The following STK38 variants were observed in gnomAD, a reference collection of about 807,000 sequenced individuals.
STK38 encodes serine/threonine kinase 38.
In STK38, 26 loss-of-function variants were observed where a neutral mutation model predicts 59.0. That is an observed-to-expected ratio of 0.44 (90% CI 0.32 to 0.61). STK38 has a LOEUF of 0.61. Ranked by LOEUF, STK38 falls within the 20% of genes least tolerant of loss-of-function variation. The pLI is 0.04. For synonymous variants in STK38, 175 were observed against 176.6 expected (o/e 0.99, Z 0.07); for missense variants, 433 against 566.0 (o/e 0.76, Z 2.38).
At position 36,498,290 on chromosome 6, in the gene STK38, A is replaced by G. The variant is rs1021883205; in HGVS notation, c.1076+73T>C. 2.5e-5 allele frequency: 39 copies of G among 1,559,906 alleles called. No individual in the cohort carries two copies. In the African/African-American group the frequency reaches 5.0e-4, roughly 20 times the overall value. ...ACAGAAAGCAGATTCAGGAGATAAC[A>G]AAAGTTTTTAAAAAAATGGAATCAT... On this transcript the variant is annotated intron_variant, in intron 11 of 13. Coordinates refer to ENST00000229812, the MANE Select transcript of STK38 (RefSeq NM_007271.4).
At chr6:36,540,679 T>A (rs965915563) in intron 1 of STK38, among the ~76,000 whole-genome samples, 3 of 151,954 alleles carry the variant, frequency 2.0e-5, no homozygotes, top group African/African-American at 2.4e-5. Flanking sequence ...CAGGCTGGAG[T>A]GCGACAGGAT....
intron 6 of STK38, among the ~76,000 whole-genome samples, chr6:36,515,769 A>G (rs1777236785): frequency 6.6e-6 from 1 of 152,198 alleles, no homozygotes; most frequent in African/African-American, 2.4e-5. Flanking sequence ...ACACTTTAAA[A>G]AACAACTGTA....
chr6:36,545,392 C>T (rs1023169020), intron 1 of STK38, among the ~76,000 whole-genome samples: 6 of 151,000 alleles, frequency 4.0e-5, no homozygotes, highest in Non-Finnish European at 8.8e-5. Context: ...TGCATTACTA[C>T]CTAAACTTTT....
chr6:36,527,741 T>A (rs1185487278), intron 2 of STK38, among the ~76,000 whole-genome samples: 6 of 151,992 alleles, frequency 3.9e-5, no homozygotes, highest in Non-Finnish European at 7.4e-5. Context: ...GAATCTCTCC[T>A]CCACCACTCA....
intron 13 of STK38, among the ~76,000 whole-genome samples, chr6:36,496,313 G>GT (rs1177986046): frequency 6.6e-6 from 1 of 152,018 alleles, no homozygotes; most frequent in Non-Finnish European, 1.5e-5. Context: ...AAGTGCTGGG[G>GT]TTTCAGGCAT....
In STK38 at chr6:36,494,007, T is replaced by C. The variant is rs1307988124; in HGVS notation, c.*1777A>G. The C allele has an allele frequency of 1.3e-5, 2 of 152,184 alleles. No individual in the cohort carries two copies. The highest frequency in any genetic ancestry group is 1.3e-4 in the Admixed American group (2 of 15,280). The allele number at this position is 152,184 out of a possible 1,614,324, so 9.4% of individuals were successfully genotyped here. Reference sequence around the variant, plus strand: ...AGACTCTCCCAACACCGCAGTTCCTTCTCTTTACCCAGGCTTACCACACAT... The same window carrying C: ...AGACTCTCCCAACACCGCAGTTCCTCCTCTTTACCCAGGCTTACCACACAT... On this transcript the variant is annotated 3_prime_UTR_variant, in exon 14 of 14. Transcript: ENST00000229812.
chr6:36,498,479 T>C lies in STK38; in HGVS notation c.960A>G (p.Pro320=), dbSNP rs769737038. The C allele has an allele frequency of 6.2e-7, 1 of 1,609,024 alleles. No individual in the cohort carries two copies. Among genetic ancestry groups the C allele is most frequent in the East Asian group, 2.2e-5 (1 of 44,826 alleles). Residue 320 remains proline, a synonymous_variant, in exon 11 of 14, where the codon CCA becomes CCG. Coordinates refer to ENST00000229812, the MANE Select transcript of STK38 (RefSeq NM_007271.4). The part of the protein sequence containing the change: ...VIMYEMLIGY[P]PFCSETPQET... ...CTTGAGGGGTCTCAGAACAGAAAGG[T>C]GGGTAGCCTGTAATAAAAAAGGAAC...
chr6:36,533,576 T>C lies in STK38; in HGVS notation c.131+6496A>G, dbSNP rs185404097. On this transcript the variant is annotated intron_variant, in intron 2 of 13. Coordinates refer to ENST00000229812, the MANE Select transcript of STK38 (RefSeq NM_007271.4). ...GCACTGCTGTCTGCTCATTTTGGGG[T>C]ATAATCTTAGTGTTAATCACAATGT... Among the ~76,000 whole-genome samples the C allele has an allele frequency of 2.6e-5, 4 of 152,312 alleles. No individual in the cohort carries two copies. The East Asian group carries it at 7.7e-4, about 29-fold the overall frequency.
intron 9 of STK38, among the ~76,000 whole-genome samples, chr6:36,504,661 T>C (rs1776917203): frequency 2.0e-5 from 3 of 152,106 alleles, no homozygotes; most frequent in Non-Finnish European, 4.4e-5. Context: ...CTTAAGTTTA[T>C]TCAGATTTTC....
At chr6:36,529,220 T>A (rs1777610033) in intron 2 of STK38, among the ~76,000 whole-genome samples, 1 of 152,184 alleles carries the variant, frequency 6.6e-6, no homozygotes, top group Admixed American at 6.5e-5. Flanking sequence ...AATGCATACT[T>A]GACAGTATGT....
intron 7 of STK38, among the ~76,000 whole-genome samples, chr6:36,511,417 C>A (rs148587886): frequency 6.6e-6 from 1 of 151,658 alleles, no homozygotes; most frequent in Non-Finnish European, 1.5e-5. Flanking sequence ...AGTGCAGTGG[C>A]GCCATCTTGG....
At chr6:36,546,522 C>T (rs149435632) in intron 1 of STK38, among the ~76,000 whole-genome samples, 111 of 152,336 alleles carry the variant, frequency 7.3e-4, no homozygotes, top group Middle Eastern at 6.8e-3. Flanking sequence ...GAACAAGTTT[C>T]TCTCCGAGTC....
chr6:36,506,733 C>A, intron 8 of STK38, 89 bp from the exon 9 acceptor site: 1 of 1,190,852 alleles, frequency 8.4e-7, no homozygotes, highest in Admixed American at 2.5e-5. Flanking sequence ...CACATGAGAC[C>A]CTAAAGTCTT....
At chr6:36,497,686 C>A in intron 12 of STK38, 94 bp downstream of exon 12, 2 of 980,644 alleles carry the variant, frequency 2.0e-6, no homozygotes, top group East Asian at 2.5e-5. Flanking sequence ...GCTCTCTTCC[C>A]TTACTTGGCT....
Position 36,524,476 on chromosome 6 carries a change from T to C in STK38, c.184-13A>G, listed in dbSNP as rs779996940. 8 of 1,577,604 alleles carry C rather than the reference T, an allele frequency of 5.1e-6. No individual in the cohort carries two copies. The highest frequency in any genetic ancestry group is 6.9e-6 in the Non-Finnish European group (8 of 1,166,920). ...TCCGGAGTCGTTTCTAATATTTAAA[T>C]AAAAAAGGGAGGAGACGGGAAGGAA... is the stretch of plus-strand genomic sequence containing the variant. On this transcript the variant is annotated splice_polypyrimidine_tract_variant and intron_variant, in intron 3 of 13. Coordinates refer to ENST00000229812, the MANE Select transcript of STK38 (RefSeq NM_007271.4).
At chr6:36,496,897 A>G (rs1408420523) in intron 12 of STK38, 92 bp from the exon 13 acceptor site, 2 of 828,312 alleles carry the variant, frequency 2.4e-6, no homozygotes, top group Admixed American at 6.0e-5. Context: ...CCCTGGTCTG[A>G]CATGAGAAGA....
chr6:36,536,737 T>C (rs1777801621), intron 2 of STK38, among the ~76,000 whole-genome samples: 1 of 151,952 alleles, frequency 6.6e-6, no homozygotes, highest in Non-Finnish European at 1.5e-5. Flanking sequence ...GGTTTCTCCA[T>C]GTTGGTCGGG....
Position 36,507,883 on chromosome 6 carries a change from C to T in STK38, c.670-281G>A, listed in dbSNP as rs1412590346. ...TCCATAGCATCTAGAGACAATTTTA[C>T]TACTTCTTGTACTCAAATATTCCTC... On this transcript the variant is annotated intron_variant, in intron 7 of 13. Coordinates refer to ENST00000229812, the MANE Select transcript of STK38 (RefSeq NM_007271.4). 3.3e-5 allele frequency among the ~76,000 whole-genome samples: 5 copies of T among 151,350 alleles called. No homozygotes were observed. In the East Asian group the frequency reaches 7.7e-4, roughly 23 times the overall value.
chr6:36,516,108 G>A (rs879514587), intron 6 of STK38, among the ~76,000 whole-genome samples: 19 of 152,316 alleles, frequency 1.2e-4, no homozygotes, highest in Non-Finnish European at 2.6e-4. Context: ...AGAGTACAAT[G>A]AACACCTCTC....
Sources: allele counts gnomAD v4.1 joint callset (sites outside exome capture counted in the v4.1 genomes callset), GRCh38; gene constraint gnomAD v4.1.1; transcripts MANE v1.5; gene names NCBI Gene and HGNC (gene_info 2026-07-23, HGNC 2026-07-21).